WDHD1: variants seen among roughly 807,000 people sequenced by gnomAD.
WDHD1 encodes the protein WD repeat and HMG-box DNA binding protein 1, also known as WD repeat and HMG-box DNA-binding protein 1.
Under a neutral mutation model 135.4 loss-of-function variants are expected in WDHD1, and 111 were observed. The ratio of observed to expected loss-of-function variants is 0.82; its 90% CI spans 0.70 to 0.96. The LOEUF is 0.96. Ranked by LOEUF, WDHD1 falls within the 40% of genes least tolerant of loss-of-function variation. WDHD1 has a pLI of 0.00. For missense variants in WDHD1, 1,351 were observed against 1,336.3 expected, an observed-to-expected ratio of 1.01 and a Z score of -0.17; for synonymous variants, 434 against 439.0, an observed-to-expected ratio of 0.99 and a Z score of 0.14.
chr14:54,960,745 C>T (rs184113528), intron 21 of WDHD1, among the ~76,000 whole-genome samples: 1 of 149,796 alleles, frequency 6.7e-6, no homozygotes, highest in Non-Finnish European at 1.5e-5. Flanking sequence ...ACCTCAAGTG[C>T]TCCACCTGCC....
intron 16 of WDHD1, 78 bp downstream of exon 16, chr14:54,981,462 C>A: frequency 7.3e-7 from 1 of 1,377,402 alleles, no homozygotes; most frequent in Non-Finnish European, 1.0e-6. Flanking sequence ...AAGACAAATA[C>A]ACTTAAAGGG....
At position 54,955,710 on chromosome 14, in the gene WDHD1, T is replaced by A. The variant is rs760749229; in HGVS notation, c.2917-16A>T. ...CTGCAGATGCCTATAAAAACAAACATGAATACTGCAATAACATCTAGTATA... is the reference window on the plus strand; with the variant it reads ...CTGCAGATGCCTATAAAAACAAACAAGAATACTGCAATAACATCTAGTATA... On this transcript the variant is annotated splice_polypyrimidine_tract_variant and intron_variant, in intron 23 of 25. Coordinates refer to ENST00000360586, the MANE Select transcript of WDHD1 (RefSeq NM_007086.4). 2 of 1,518,124 alleles carry A rather than the reference T, an allele frequency of 1.3e-6. No homozygotes were observed. The highest frequency in any genetic ancestry group is 2.7e-5 in the South Asian group (2 of 75,174). 94.0% of individuals were successfully genotyped at this position (1,518,124 alleles called of 1,614,324 possible).
At chr14:54,996,978 G>A (rs1038873973) in intron 10 of WDHD1, among the ~76,000 whole-genome samples, 1 of 151,844 alleles carries the variant, frequency 6.6e-6, no homozygotes, top group African/African-American at 2.4e-5. Context: ...TTTTAGTAGA[G>A]ATGGGGTTTC....
chr14:55,027,061 CAA>C lies in WDHD1; in HGVS notation c.-52_-51del, dbSNP rs532983913. On this transcript the variant is annotated 5_prime_UTR_variant, in exon 1 of 26. Transcript: ENST00000360586. ...CCGAGCCTCCGCCACTGAGGATCCACAAGAGCTGCTTCCCGCGCTTCGGCTCG... is the reference window on the plus strand; with the variant it reads ...CCGAGCCTCCGCCACTGAGGATCCACGAGCTGCTTCCCGCGCTTCGGCTCG... The C allele has an allele frequency of 3.7e-4, 162 of 443,010 alleles. 3 individuals are homozygous for C. The South Asian group carries it at 4.2e-3, about 11-fold the overall frequency. The allele number at this position is 443,010 out of a possible 1,614,324, so 27.4% of individuals were successfully genotyped here.
chr14:55,005,729 A>T (rs187773556), intron 7 of WDHD1: 1 of 440,032 alleles, frequency 2.3e-6, no homozygotes, highest in East Asian at 5.4e-5. Context: ...ATCCAGAACA[A>T]CATCATAAGG....
intron 23 of WDHD1, 141 bp from the exon 24 acceptor site, chr14:54,955,835 G>T: frequency 1.8e-5 from 12 of 674,116 alleles, no homozygotes; most frequent in South Asian, 5.4e-5. Context: ...GTTCTCAGTT[G>T]TAAATAAATA....
intron 22 of WDHD1, 143 bp from the exon 23 acceptor site, chr14:54,957,347 A>G (rs2041177451): frequency 6.3e-6 from 6 of 955,068 alleles, no homozygotes; most frequent in Admixed American, 3.0e-5. Context: ...AATCCAAATT[A>G]AGAATGATAC....
chr14:54,953,868 A>G (rs1317881089), intron 24 of WDHD1, among the ~76,000 whole-genome samples: 1 of 151,998 alleles, frequency 6.6e-6, no homozygotes, highest in Non-Finnish European at 1.5e-5. Context: ...AAACTATCTC[A>G]AGGACAAAAA....
intron 24 of WDHD1, among the ~76,000 whole-genome samples, chr14:54,955,354 T>C (rs1203887645): frequency 6.6e-6 from 1 of 152,180 alleles, no homozygotes; most frequent in Non-Finnish European, 1.5e-5. Flanking sequence ...TTTAAAAATA[T>C]ACAATTTATT....
chr14:55,015,501 G>A (rs918028306), intron 2 of WDHD1, among the ~76,000 whole-genome samples: 1 of 149,988 alleles, frequency 6.7e-6, no homozygotes, highest in Non-Finnish European at 1.5e-5. Context: ...GGTTAAATCT[G>A]TAAAATGACT....
intron 2 of WDHD1, among the ~76,000 whole-genome samples, chr14:55,018,634 T>C (rs2042296879): frequency 6.6e-6 from 1 of 152,194 alleles, no homozygotes; most frequent in South Asian, 2.1e-4. Flanking sequence ...CCTATAAAAA[T>C]ACTGAGGCTG....
chr14:55,022,807 CTTGACCCT>C (rs907287493), intron 2 of WDHD1, among the ~76,000 whole-genome samples: 1 of 151,324 alleles, frequency 6.6e-6, no homozygotes, highest in African/African-American at 2.4e-5. Context: ...CTATTGCCAT[CTTGACCCT>C]TTCTCTTTCT....
rs1412211040 is a variant in WDHD1 at position 55,027,054 on chromosome 14, G to A, written c.-43C>T. 3 of 462,852 alleles carry A rather than the reference G, an allele frequency of 6.5e-6. No homozygotes were observed. The highest frequency in any genetic ancestry group is 3.7e-5 in the East Asian group (1 of 26,760). 28.7% of individuals were successfully genotyped at this position (462,852 alleles called of 1,614,324 possible). Reference sequence around the variant, plus strand: ...CGGGTGACCGAGCCTCCGCCACTGAGGATCCACAAGAGCTGCTTCCCGCGC... The same window carrying A: ...CGGGTGACCGAGCCTCCGCCACTGAAGATCCACAAGAGCTGCTTCCCGCGC... On this transcript the variant is annotated 5_prime_UTR_variant, in exon 1 of 26. Transcript: ENST00000360586.
chr14:55,004,819 T>C (rs2042037201), intron 7 of WDHD1: 2 of 482,782 alleles, frequency 4.1e-6, no homozygotes, highest in Non-Finnish European at 8.2e-6. Context: ...CAGCTTAAGA[T>C]CACTCAGTGG....
intron 2 of WDHD1, among the ~76,000 whole-genome samples, chr14:55,026,167 A>C (rs1222517946): frequency 6.6e-6 from 1 of 152,210 alleles, no homozygotes; most frequent in Non-Finnish European, 1.5e-5. Flanking sequence ...TTTTTCAATG[A>C]ATCAATCAAC....
At chr14:54,966,701 AT>A (rs2041351907) in intron 17 of WDHD1, 95 bp from the exon 18 acceptor site, 13 of 1,288,042 alleles carry the variant, frequency 1.0e-5, no homozygotes, top group Non-Finnish European at 1.4e-5. Flanking sequence ...TTTGAATAAA[AT>A]ATGTTCTGAA....
intron 16 of WDHD1, among the ~76,000 whole-genome samples, chr14:54,975,665 A>G (rs1310249357): frequency 6.6e-6 from 1 of 151,966 alleles, no homozygotes; most frequent in Non-Finnish European, 1.5e-5. Context: ...TCATAATTAA[A>G]GGAAAATAGG....
At chr14:54,994,780 G>A (rs536292449) in intron 11 of WDHD1, among the ~76,000 whole-genome samples, 17 of 150,330 alleles carry the variant, frequency 1.1e-4, no homozygotes, top group African/African-American at 4.2e-4. Context: ...AAAAAAATCC[G>A]GTTGCACTCA....
chr14:55,002,901 ACTT>A (rs1438918318), intron 7 of WDHD1, among the ~76,000 whole-genome samples: 1 of 152,032 alleles, frequency 6.6e-6, no homozygotes, highest in East Asian at 1.9e-4. Context: ...CTTCAATACT[ACTT>A]CTTAAGGAAT....
Sources: allele counts gnomAD v4.1 joint callset (sites outside exome capture counted in the v4.1 genomes callset), GRCh38; gene constraint gnomAD v4.1.1; transcripts MANE v1.5; gene names NCBI Gene and HGNC (gene_info 2026-07-23, HGNC 2026-07-21).